The following PTPRD variants were observed in gnomAD, a reference collection of about 807,000 sequenced individuals.
The protein encoded by PTPRD is receptor-type tyrosine-protein phosphatase delta.
Under a neutral mutation model 214.5 loss-of-function variants are expected in PTPRD, and 34 were observed. The ratio of observed to expected loss-of-function variants is 0.16; its 90% CI spans 0.12 to 0.21. The LOEUF (loss-of-function observed/expected upper bound fraction) is 0.21, where lower values mean the gene tolerates loss of function less well. Ranked by LOEUF, PTPRD falls within the 10% of genes least tolerant of loss-of-function variation. The probability of loss-of-function intolerance (pLI) is 1.00; values close to 1 mark genes in which losing one functional copy is unlikely to be tolerated. For synonymous variants in PTPRD, 1,128 were observed against 845.7 expected (o/e 1.33, Z -5.79); for missense variants, 2,545 against 2,398.7 (o/e 1.06, Z -1.27).
At chr9:8,919,112 T>C (rs1315466204) in intron 11 of PTPRD, among the ~76,000 whole-genome samples, 2 of 152,132 alleles carry the variant, frequency 1.3e-5, no homozygotes, top group Non-Finnish European at 2.9e-5. Flanking sequence ...GTTATCTAAC[T>C]GCAGTTTAAT....
chr9:9,691,640 C>T (rs1204893593), intron 7 of PTPRD, among the ~76,000 whole-genome samples: 1 of 152,006 alleles, frequency 6.6e-6, no homozygotes, highest in Non-Finnish European at 1.5e-5. Flanking sequence ...GGTTTATACT[C>T]AGCTTTGGGG....
chr9:8,952,369 T>A (rs577357836), intron 11 of PTPRD, among the ~76,000 whole-genome samples: 2 of 152,134 alleles, frequency 1.3e-5, no homozygotes, highest in South Asian at 4.2e-4. Context: ...ATTTGCACTA[T>A]TCTATAAAGG....
intron 4 of PTPRD, among the ~76,000 whole-genome samples, chr9:9,996,252 T>G (rs2096118844): frequency 6.6e-6 from 1 of 152,184 alleles, no homozygotes; most frequent in Admixed American, 6.5e-5. Flanking sequence ...CTCCAGTAAA[T>G]GAAGAGAGTT....
At chr9:9,252,162 T>A (rs2131624611) in intron 9 of PTPRD, among the ~76,000 whole-genome samples, 1 of 152,152 alleles carries the variant, frequency 6.6e-6, no homozygotes, top group East Asian at 1.9e-4. Context: ...CTCTTTGGCA[T>A]AAAGCTTATT....
chr9:9,861,533 G>A (rs144304707), intron 5 of PTPRD, among the ~76,000 whole-genome samples: 157 of 152,186 alleles, frequency 1.0e-3, no homozygotes, highest in African/African-American at 3.5e-3. Flanking sequence ...CTCGTGATCC[G>A]CCCACCTCGG....
Position 9,530,822 on chromosome 9 carries a change from C to T in PTPRD, c.-237+43910G>A, listed in dbSNP as rs185522321. 6.8e-4 allele frequency among the ~76,000 whole-genome samples: 103 copies of T among 152,124 alleles called. 1 individual carries two copies. The South Asian group carries it at 8.9e-3, about 13-fold the overall frequency. Reference sequence around the variant, plus strand: ...GCATATTTTCACTCATATGTCAGGGCTAAAAATGCTGATCTCAGGGAGGTA... The same window carrying T: ...GCATATTTTCACTCATATGTCAGGGTTAAAAATGCTGATCTCAGGGAGGTA... On this transcript the variant is annotated intron_variant, in intron 8 of 45. Transcript: ENST00000381196.
intron 10 of PTPRD, among the ~76,000 whole-genome samples, chr9:9,116,163 A>G (rs1356248626): frequency 6.6e-6 from 1 of 152,050 alleles, no homozygotes; most frequent in East Asian, 1.9e-4. Context: ...ACATCACACA[A>G]TATACTCACG....
At chr9:8,441,503 T>C (rs773885430) in intron 34 of PTPRD, among the ~76,000 whole-genome samples, 3 of 151,890 alleles carry the variant, frequency 2.0e-5, no homozygotes, top group Non-Finnish European at 4.4e-5. Flanking sequence ...TGTCAAACGA[T>C]AAGCTCTTTT....
At chr9:9,032,974 A>G (rs1158499916) in intron 10 of PTPRD, among the ~76,000 whole-genome samples, 3 of 152,044 alleles carry the variant, frequency 2.0e-5, no homozygotes, top group African/African-American at 7.2e-5. Context: ...TACACTTCAT[A>G]TTATTGAAAT....
chr9:9,387,015 C>T (rs1378293427), intron 9 of PTPRD, among the ~76,000 whole-genome samples: 2 of 152,286 alleles, frequency 1.3e-5, no homozygotes, highest in Admixed American at 1.3e-4. Context: ...ACTTATTTAA[C>T]GCTCAGAGGG....
intron 4 of PTPRD, among the ~76,000 whole-genome samples, chr9:9,962,567 C>T (rs2094436882): frequency 6.6e-6 from 1 of 152,116 alleles, no homozygotes; most frequent in Non-Finnish European, 1.5e-5. Context: ...CCTCTGTAAA[C>T]TCCGTTGCCC....
chr9:10,156,297 C>G (rs13285186), intron 3 of PTPRD, among the ~76,000 whole-genome samples: 26,488 of 152,006 alleles, frequency 0.17, 2,606 homozygotes, highest in Admixed American at 0.29. Flanking sequence ...CTTCTTAACA[C>G]TGCCCTAGCT....
intron 10 of PTPRD, among the ~76,000 whole-genome samples, chr9:9,032,039 C>CT (rs1569475088): frequency 2.6e-5 from 4 of 151,596 alleles, no homozygotes; most frequent in South Asian, 2.1e-4. Context: ...TTATAAAAAG[C>CT]TTTTTTTCCA....
At chr9:8,467,821 T>C (rs970003295) in intron 31 of PTPRD, among the ~76,000 whole-genome samples, 40 of 151,966 alleles carry the variant, frequency 2.6e-4, no homozygotes, top group Admixed American at 1.3e-4. Flanking sequence ...TGAAGTATTA[T>C]AATTGAAGCA....
chr9:9,193,239 T>C (rs2099936318), intron 9 of PTPRD, among the ~76,000 whole-genome samples: 1 of 152,126 alleles, frequency 6.6e-6, no homozygotes, highest in African/African-American at 2.4e-5. Context: ...GAGTAATGAA[T>C]TGAGGTCATG....
At chr9:8,567,966 T>G (rs939443373) in intron 14 of PTPRD, among the ~76,000 whole-genome samples, 1 of 152,130 alleles carries the variant, frequency 6.6e-6, no homozygotes, top group Non-Finnish European at 1.5e-5. Context: ...AATATATATT[T>G]AGAAATGAGA....
At chr9:8,701,306 T>C (rs1306383760) in intron 12 of PTPRD, 3 of 152,142 alleles carry the variant, frequency 2.0e-5, no homozygotes, top group African/African-American at 4.8e-5. Context: ...TCAAGTATTA[T>C]AATGACAGAA....
At chr9:9,044,400 C>A (rs1461147548) in intron 10 of PTPRD, among the ~76,000 whole-genome samples, 1 of 152,330 alleles carries the variant, frequency 6.6e-6, no homozygotes, top group South Asian at 2.1e-4. Context: ...AAACATGCTG[C>A]TTGGGCAGGT....
intron 9 of PTPRD, among the ~76,000 whole-genome samples, chr9:9,390,905 G>A (rs1338797444): frequency 6.6e-6 from 1 of 152,116 alleles, no homozygotes; most frequent in Non-Finnish European, 1.5e-5. Flanking sequence ...GTAATCACAG[G>A]CAAGTGTTTG....
Sources: gnomAD v4.1 joint callset for allele counts (sites outside exome capture counted in the v4.1 genomes callset) on GRCh38, gnomAD v4.1.1 for gene constraint, MANE v1.5 for transcripts, NCBI Gene and HGNC (gene_info 2026-07-23, HGNC 2026-07-21) for gene names.